Variants in IQANK1 observed in about 807,000 individuals in gnomAD.
IQANK1 encodes IQ motif and ankyrin repeat containing 1.
Under a neutral mutation model 22.6 loss-of-function variants are expected in IQANK1, and 30 were observed. That is an observed-to-expected ratio of 1.33 (90% CI 0.99 to 1.80). The LOEUF (loss-of-function observed/expected upper bound fraction) is 1.80, where lower values mean the gene tolerates loss of function less well. Among genes scored for constraint, IQANK1 ranks in the 40% most tolerant of loss-of-function variants. The pLI is 0.00. For synonymous variants in IQANK1, 122 were observed against 99.6 expected (o/e 1.23, Z -1.34); for missense variants, 275 against 235.2 (o/e 1.17, Z -1.11).
chr8:143,737,776 C>T (rs1311018041), intron 2 of IQANK1, among the ~76,000 whole-genome samples: 1 of 152,212 alleles, frequency 6.6e-6, no homozygotes, highest in Non-Finnish European at 1.5e-5. Context: ...GCTGCTCCTC[C>T]TGTAGCTGCT....
At chr8:143,740,333 C>T (rs555194447) in intron 3 of IQANK1, among the ~76,000 whole-genome samples, 2 of 152,304 alleles carry the variant, frequency 1.3e-5, no homozygotes, top group East Asian at 3.9e-4. Flanking sequence ...GAAACGGGGC[C>T]CTGCGCGTCG....
chr8:143,740,206 C>A (rs529465324), intron 3 of IQANK1, among the ~76,000 whole-genome samples: 1 of 152,106 alleles, frequency 6.6e-6, no homozygotes, highest in East Asian at 1.9e-4. Context: ...CGCCCGGGTG[C>A]GTGGCCTCTC....
intron 3 of IQANK1, among the ~76,000 whole-genome samples, chr8:143,757,397 T>C (rs1228809806): frequency 2.6e-5 from 4 of 151,516 alleles, no homozygotes; most frequent in Admixed American, 1.3e-4. Context: ...AGTGCAGTGG[T>C]GCGAGCTTGG....
chr8:143,779,156 A>G (rs914409841), intron 7 of IQANK1, among the ~76,000 whole-genome samples: 1 of 151,940 alleles, frequency 6.6e-6, no homozygotes, highest in Non-Finnish European at 1.5e-5. Context: ...TTATAAACTT[A>G]TAAGCTATCC....
intron 7 of IQANK1, among the ~76,000 whole-genome samples, chr8:143,787,202 T>C (rs1819906187): frequency 6.6e-6 from 1 of 152,198 alleles, no homozygotes; most frequent in South Asian, 2.1e-4. Flanking sequence ...TCTAGAAGTA[T>C]GCATATTTGG....
At chr8:143,740,918 G>A (rs958653855) in intron 3 of IQANK1, among the ~76,000 whole-genome samples, 1 of 152,260 alleles carries the variant, frequency 6.6e-6, no homozygotes, top group Non-Finnish European at 1.5e-5. Flanking sequence ...GTGGTGGAGC[G>A]TGTCCAGTAG....
At position 143,776,112 on chromosome 8, in the gene IQANK1, G is replaced by A. The variant is rs1819677959; in HGVS notation, c.789+3630G>A. ...CGAGGCGGGCAGATTACGGGGTCAG[G>A]AGATCAAGCCCATCCTGGCTAACAC... On this transcript the variant is annotated intron_variant, in intron 7 of 13. Transcript: ENST00000527139. 3.3e-5 allele frequency among the ~76,000 whole-genome samples: 5 copies of A among 151,510 alleles called. No homozygotes were observed. In the South Asian group the frequency reaches 1.0e-3, roughly 31 times the overall value.
At chr8:143,775,335 TACAC>T (rs55908803) in intron 7 of IQANK1, among the ~76,000 whole-genome samples, 4 of 147,718 alleles carry the variant, frequency 2.7e-5, no homozygotes, top group Admixed American at 1.3e-4. Context: ...CCAGGCATGC[TACAC>T]ACACACACAC....
At chr8:143,785,947 C>T (rs1339600807) in intron 7 of IQANK1, among the ~76,000 whole-genome samples, 1 of 151,958 alleles carries the variant, frequency 6.6e-6, no homozygotes, top group African/African-American at 2.4e-5. Context: ...GGCTGGTCTC[C>T]AACTCCTGAC....
rs530346289 is a variant in IQANK1, at chr8:143,758,945, C to T, written c.176-12543C>T. Reference sequence around the variant, plus strand: ...GCTGGGCCCCAGGAGATGAGCTCCTCGCCCAAGCTGGAGAGCATCCGCTGC... The same window carrying T: ...GCTGGGCCCCAGGAGATGAGCTCCTTGCCCAAGCTGGAGAGCATCCGCTGC... On this transcript the variant is annotated intron_variant, in intron 3 of 13. Coordinates refer to ENST00000527139, the MANE Select transcript of IQANK1 (RefSeq NM_001381874.1). This position sits in a 1 kb window ranked among gnomAD's most constrained non-coding sequence, Gnocchi z 4.2. 1.0e-3 allele frequency: 179 copies of T among 171,692 alleles called. No individual in the cohort carries two copies. The highest frequency in any genetic ancestry group is 1.8e-3 in the Non-Finnish European group (144 of 79,796). The allele number at this position is 171,692 out of a possible 1,614,324, so 10.6% of individuals were successfully genotyped here.
chr8:143,743,819 T>C (rs1554626931), intron 3 of IQANK1: 1 of 425,324 alleles, frequency 2.4e-6, no homozygotes, highest in Non-Finnish European at 4.6e-6. Context: ...TAGTTTTTAG[T>C]TTCTGAATAC....
chr8:143,763,742 C>G (rs1427593633), intron 3 of IQANK1, among the ~76,000 whole-genome samples: 2 of 152,158 alleles, frequency 1.3e-5, no homozygotes, highest in Admixed American at 1.3e-4. Context: ...CCTGCAGAAC[C>G]GTGAGCCAAG....
rs1166052474 is a variant in IQANK1 at position 143,772,613 on chromosome 8, G to C, written c.789+131G>C. ...GGCAGGTGCACACCCAGGCAGGGAA[G>C]GCTCACCCGACCGGCTGTCTCTGAA... On this transcript the variant is annotated intron_variant, in intron 7 of 13. Transcript: ENST00000527139. 1.0e-5 allele frequency: 4 copies of C among 396,906 alleles called. No individual in the cohort carries two copies. In the East Asian group the frequency reaches 1.4e-4, roughly 14 times the overall value. 24.6% of individuals were successfully genotyped at this position (396,906 alleles called of 1,614,324 possible). A position where few individuals can be genotyped will look rare whatever the true frequency, so the allele number is the denominator to read the frequency against.
At position 143,771,074 on chromosome 8, in the gene IQANK1, C is replaced by G. The variant is rs1237383118; in HGVS notation, c.176-414C>G. On this transcript the variant is annotated intron_variant, in intron 3 of 13. Coordinates refer to ENST00000527139, the MANE Select transcript of IQANK1 (RefSeq NM_001381874.1). The surrounding 1 kb of genome is among the most constrained non-coding windows in gnomAD (Gnocchi z 6.0). ...CTGAGTCCAGCGGGGCTGTGATGAG[C>G]CCTCCCAGGCCTGGGGCCCCCCCGC... Among the ~76,000 whole-genome samples the G allele has an allele frequency of 9.2e-5, 14 of 152,244 alleles. No individual in the cohort carries two copies. Among genetic ancestry groups the G allele is most frequent in the Non-Finnish European group, 1.8e-4 (12 of 68,042 alleles).
At chr8:143,752,790 C>A (rs1554628181) in intron 3 of IQANK1, among the ~76,000 whole-genome samples, 1 of 152,064 alleles carries the variant, frequency 6.6e-6, no homozygotes, top group Non-Finnish European at 1.5e-5. Flanking sequence ...AGTAGCTATA[C>A]CATGTAGGCT....
intron 3 of IQANK1, among the ~76,000 whole-genome samples, chr8:143,764,543 A>G (rs1819452333): frequency 6.6e-6 from 1 of 152,106 alleles, no homozygotes; most frequent in Non-Finnish European, 1.5e-5. Context: ...TCAAGGCTGC[A>G]GTGAGCCGTG....
rs1270938807 is a variant in IQANK1 at position 143,771,374 on chromosome 8, G to T, written c.176-114G>T. On this transcript the variant is annotated intron_variant, in intron 3 of 13. Transcript: ENST00000527139. The surrounding 1 kb of genome is among the most constrained non-coding windows in gnomAD (Gnocchi z 6.0). The stretch of plus-strand genomic sequence containing the variant: ...GGCCGCGCTGGGGGCTTTGAGAGCC[G>T]TTTGGGTCCTTCTGTCGGGGCGGGG... The T allele has an allele frequency of 5.2e-6, 2 of 384,660 alleles. No homozygotes were observed. Among genetic ancestry groups the T allele is most frequent in the Non-Finnish European group, 4.5e-6 (1 of 220,612 alleles). 23.8% of individuals were successfully genotyped at this position (384,660 alleles called of 1,614,324 possible).
Position 143,765,210 on chromosome 8 carries a change from A to T in IQANK1, c.176-6278A>T, listed in dbSNP as rs551771240. 4.6e-4 allele frequency among the ~76,000 whole-genome samples: 70 copies of T among 152,180 alleles called. 1 individual carries two copies. In the South Asian group the frequency reaches 0.014, roughly 31 times the overall value. ...GTCTCTACCAAAAAATACAGAAGTT[A>T]GCCAGGCATGGTGGCGCACGCCTGT... On this transcript the variant is annotated intron_variant, in intron 3 of 13. Coordinates refer to ENST00000527139, the MANE Select transcript of IQANK1 (RefSeq NM_001381874.1).
At chr8:143,764,172 C>T (rs1222292889) in intron 3 of IQANK1, among the ~76,000 whole-genome samples, 3 of 152,062 alleles carry the variant, frequency 2.0e-5, no homozygotes, top group African/African-American at 7.2e-5. Flanking sequence ...AGGATTCCAC[C>T]TGCACAGGAA....
Sources: allele counts gnomAD v4.1 joint callset (sites outside exome capture counted in the v4.1 genomes callset), GRCh38; gene constraint gnomAD v4.1.1; non-coding constraint Gnocchi (gnomAD v3.1); transcripts MANE v1.5; gene names NCBI Gene and HGNC (gene_info 2026-07-23, HGNC 2026-07-21).